CMIP: variants seen among roughly 807,000 people sequenced by gnomAD.
CMIP encodes the protein C-Maf-inducing protein.
CMIP carries 13 observed loss-of-function variants against 97.3 expected under a neutral mutation model. That is an observed-to-expected ratio of 0.13 (90% CI 0.09 to 0.21). CMIP has a LOEUF of 0.21. Among genes scored for constraint, CMIP ranks in the 10% least tolerant of loss-of-function variants. The pLI is 1.00. For missense variants in CMIP, 847 were observed against 1,024.9 expected (o/e 0.83, Z 2.37); for synonymous variants, 538 against 436.3 (o/e 1.23, Z -2.91).
At chr16:81,538,519 T>C (rs1166786652) in intron 1 of CMIP, among the ~76,000 whole-genome samples, 10 of 152,332 alleles carry the variant, frequency 6.6e-5, no homozygotes, top group African/African-American at 2.4e-4. Flanking sequence ...GCGAGCTGAG[T>C]AAGTTGATAT....
At chr16:81,636,600 A>AGG (rs1567624963) in intron 3 of CMIP, among the ~76,000 whole-genome samples, 2 of 149,302 alleles carry the variant, frequency 1.3e-5, no homozygotes, top group Non-Finnish European at 3.0e-5. Context: ...AAAAAAAAAA[A>AGG]AGTATGGCAT....
At chr16:81,647,252 T>C (rs753947251) in intron 3 of CMIP, among the ~76,000 whole-genome samples, 3 of 152,260 alleles carry the variant, frequency 2.0e-5, no homozygotes, top group Non-Finnish European at 2.9e-5. Context: ...GGCTGGAATT[T>C]GACTTTTAAA....
intron 1 of CMIP, among the ~76,000 whole-genome samples, chr16:81,596,701 G>A (rs2091563622): frequency 6.6e-6 from 1 of 152,080 alleles, no homozygotes; most frequent in African/African-American, 2.4e-5. Context: ...CCTCCATGGG[G>A]TAACCAGTAG....
chr16:81,681,984 G>A (rs9940873), intron 10 of CMIP, among the ~76,000 whole-genome samples: 16,891 of 152,030 alleles, frequency 0.11, 1,218 homozygotes, highest in African/African-American at 0.2. Context: ...CGAGGCGGGG[G>A]AATTACTTGA....
intron 1 of CMIP, among the ~76,000 whole-genome samples, chr16:81,588,372 C>T (rs1428529040): frequency 6.6e-6 from 1 of 152,194 alleles, no homozygotes; most frequent in Non-Finnish European, 1.5e-5. Flanking sequence ...AGACTTGTCC[C>T]TTCCAGTTGA....
chr16:81,673,334 A>G (rs1201976387), intron 9 of CMIP, among the ~76,000 whole-genome samples: 4 of 152,048 alleles, frequency 2.6e-5, no homozygotes, highest in African/African-American at 9.7e-5. Flanking sequence ...TGGCCAACAT[A>G]GTGAAACCCC....
Position 81,655,438 on chromosome 16 carries a change from C to A in CMIP, c.640-2337C>A, listed in dbSNP as rs2092471488. Among the ~76,000 whole-genome samples the A allele has an allele frequency of 1.3e-5, 2 of 152,212 alleles. No homozygotes were observed. The highest frequency in any genetic ancestry group is 4.8e-5 in the African/African-American group (2 of 41,452). On this transcript the variant is annotated intron_variant, in intron 4 of 20. Transcript: ENST00000537098. This position sits in a 1 kb window ranked among gnomAD's most constrained non-coding sequence, Gnocchi z 4.9. ...AGCTGGCTGTCCCCACCCTCCCAGG[C>A]CTTTGTTGAGTTGCGTGTAAAGTGG...
chr16:81,568,268 A>G (rs933157701), intron 1 of CMIP, among the ~76,000 whole-genome samples: 5 of 151,986 alleles, frequency 3.3e-5, no homozygotes. Flanking sequence ...CTCTGACCTC[A>G]GTGCGGTCAG....
chr16:81,672,416 A>G (rs1408651986), intron 9 of CMIP, among the ~76,000 whole-genome samples: 2 of 152,156 alleles, frequency 1.3e-5, no homozygotes, highest in African/African-American at 2.4e-5. Context: ...ATGCAAATGC[A>G]TGTGTGCACT....
chr16:81,513,361 C>T lies in CMIP; in HGVS notation c.300+67820C>T, dbSNP rs145685863. 9.2e-5 allele frequency among the ~76,000 whole-genome samples: 14 copies of T among 152,320 alleles called. No homozygotes were observed. The East Asian group carries it at 9.7e-4, about 11-fold the overall frequency. On this transcript the variant is annotated intron_variant, in intron 1 of 20. Transcript: ENST00000537098. ...GCTGGAGTTGAGGAGACAGCCAGCGCGGCTGGCCTGGGCCCCACGCATAGT... is the reference window on the plus strand; with the variant it reads ...GCTGGAGTTGAGGAGACAGCCAGCGTGGCTGGCCTGGGCCCCACGCATAGT...
chr16:81,522,789 C>T (rs996223544), intron 1 of CMIP, among the ~76,000 whole-genome samples: 9 of 152,132 alleles, frequency 5.9e-5, no homozygotes, highest in African/African-American at 2.2e-4. Context: ...GGTATAATTA[C>T]TTGACATTCA....
chr16:81,513,254 C>G (rs552896490), intron 1 of CMIP, among the ~76,000 whole-genome samples: 59 of 152,354 alleles, frequency 3.9e-4, no homozygotes, highest in African/African-American at 1.3e-3. Flanking sequence ...TCACCAGACC[C>G]AGAGTGTGGG....
intron 1 of CMIP, among the ~76,000 whole-genome samples, chr16:81,456,946 C>T (rs1205878810): frequency 6.6e-6 from 1 of 152,210 alleles, no homozygotes; most frequent in Non-Finnish European, 1.5e-5. Flanking sequence ...GATCGCTTCT[C>T]ACCTGCCCTC....
intron 16 of CMIP, among the ~76,000 whole-genome samples, 187 bp from the exon 17 acceptor site, chr16:81,702,435 C>G (rs1034316505): frequency 1.3e-5 from 2 of 152,110 alleles, no homozygotes; most frequent in Non-Finnish European, 2.9e-5. Context: ...TTCTTGGGAT[C>G]ACCCTCCAGT....
At chr16:81,550,010 C>A (rs940507281) in intron 1 of CMIP, among the ~76,000 whole-genome samples, 1 of 152,176 alleles carries the variant, frequency 6.6e-6, no homozygotes, top group Non-Finnish European at 1.5e-5. Flanking sequence ...CACCCGTGTG[C>A]GTGGGCAAAT....
intron 4 of CMIP, among the ~76,000 whole-genome samples, chr16:81,656,403 T>C (rs1431878639): frequency 6.6e-6 from 1 of 152,242 alleles, no homozygotes; most frequent in East Asian, 1.9e-4. Context: ...GAGGTCTCTT[T>C]ACAAGCAGCC....
intron 1 of CMIP, among the ~76,000 whole-genome samples, chr16:81,472,376 T>A (rs1907612431): frequency 6.6e-6 from 1 of 152,192 alleles, no homozygotes; most frequent in African/African-American, 2.4e-5. Flanking sequence ...CTGTTCGTAT[T>A]TCCAGTGTCC....
intron 1 of CMIP, among the ~76,000 whole-genome samples, chr16:81,531,146 G>C (rs2090227163): frequency 6.6e-6 from 1 of 152,192 alleles, no homozygotes; most frequent in African/African-American, 2.4e-5. Flanking sequence ...CATGCTGGAG[G>C]AGAGTGGGCC....
At chr16:81,580,381 A>C (rs149679415) in intron 1 of CMIP, among the ~76,000 whole-genome samples, 10 of 151,956 alleles carry the variant, frequency 6.6e-5, no homozygotes, top group African/African-American at 1.9e-4. Context: ...CCTCATATGA[A>C]ATTGCCCACT....
Sources: gnomAD v4.1 joint callset for allele counts (sites outside exome capture counted in the v4.1 genomes callset) on GRCh38, gnomAD v4.1.1 for gene constraint, Gnocchi (gnomAD v3.1) non-coding constraint, MANE v1.5 for transcripts, NCBI Gene and HGNC (gene_info 2026-07-23, HGNC 2026-07-21) for gene names.